Variants in RSPRY1 observed in about 807,000 individuals in gnomAD.
RSPRY1 encodes ring finger and SPRY domain containing 1.
Under a neutral mutation model 73.1 loss-of-function variants are expected in RSPRY1, and 23 were observed. That is an observed-to-expected ratio of 0.31 (90% CI 0.23 to 0.45). The LOEUF is 0.45. RSPRY1 is among the 20% of genes least tolerant of loss of function. RSPRY1 has a pLI of 1.00. For missense variants in RSPRY1, 448 were observed against 698.7 expected (o/e 0.64, Z 4.05); for synonymous variants, 226 against 251.4 (o/e 0.90, Z 0.95).
In RSPRY1 at chr16:57,204,809, G is replaced by A. The variant is rs1307368209; in HGVS notation, c.151G>A (p.Gly51Arg). ...GNSCICRDDS[G>R]TDDSVDTQQQ... ...TTCCTGTATCTGCCGAGATGACAGT[G>A]GAACAGATGACAGTGTTGACACCCA... is the stretch of plus-strand genomic sequence containing the variant. The change falls in exon 2 of 15, where the codon GGA becomes AGA. Residue 51 changes from glycine to arginine, a missense_variant. Transcript: ENST00000394420. The A allele has an allele frequency of 6.2e-7, 1 of 1,614,188 alleles. No homozygotes were observed. Among genetic ancestry groups the A allele is most frequent in the African/African-American group, 1.3e-5 (1 of 75,034 alleles).
chr16:57,193,141 T>G (rs2074379869), intron 1 of RSPRY1, among the ~76,000 whole-genome samples: 1 of 152,198 alleles, frequency 6.6e-6, no homozygotes, highest in African/African-American at 2.4e-5. Flanking sequence ...CAGTTACAGT[T>G]CAGGAGTTAA....
At position 57,220,684 on chromosome 16, in the gene RSPRY1, T is replaced by C. The variant is rs756224512; in HGVS notation, c.902-48T>C. 5 of 1,282,388 alleles carry C rather than the reference T, an allele frequency of 3.9e-6. No homozygotes were observed. The South Asian group carries it at 6.0e-5, about 15-fold the overall frequency. 79.4% of individuals were successfully genotyped at this position (1,282,388 alleles called of 1,614,324 possible). A position where few individuals can be genotyped will look rare whatever the true frequency, so the allele number is the denominator to read the frequency against. Reference sequence around the variant, plus strand: ...TGTAGCTGGCACTAGCTTCTTCTTTTCTCCACAGCAGCCTGCCTTAGAAAC... The same window carrying C: ...TGTAGCTGGCACTAGCTTCTTCTTTCCTCCACAGCAGCCTGCCTTAGAAAC... On this transcript the variant is annotated intron_variant, in intron 8 of 14. Transcript: ENST00000394420.
At chr16:57,212,653 C>T (rs1307845934) in intron 4 of RSPRY1, among the ~76,000 whole-genome samples, 1 of 152,044 alleles carries the variant, frequency 6.6e-6, no homozygotes, top group African/African-American at 2.4e-5. Flanking sequence ...CTTGCTCTGT[C>T]GTCCAGGCTG....
chr16:57,227,222 C>G, intron 10 of RSPRY1, 120 bp from the exon 11 acceptor site: 1 of 685,662 alleles, frequency 1.5e-6, no homozygotes, highest in Non-Finnish European at 2.6e-6. Flanking sequence ...CATGAGCTCT[C>G]TCATCATCCA....
At chr16:57,197,041 A>G (rs1013033113) in intron 1 of RSPRY1, among the ~76,000 whole-genome samples, 15 of 152,206 alleles carry the variant, frequency 9.9e-5, no homozygotes, top group African/African-American at 1.9e-4. Flanking sequence ...GTACTGTGCT[A>G]TGGTGGCTTC....
At chr16:57,196,995 G>A (rs2074458368) in intron 1 of RSPRY1, among the ~76,000 whole-genome samples, 2 of 152,154 alleles carry the variant, frequency 1.3e-5, no homozygotes, top group South Asian at 4.1e-4. Context: ...AAATATTGCA[G>A]GGCTGGGACT....
chr16:57,208,218 A>G, intron 3 of RSPRY1, 108 bp downstream of exon 3: 1 of 673,316 alleles, frequency 1.5e-6, no homozygotes, highest in Non-Finnish European at 2.5e-6. Context: ...AAGACTCCAA[A>G]AATACAGCAT....
At chr16:57,216,389 T>C in intron 7 of RSPRY1, 2 of 494,864 alleles carry the variant, frequency 4.0e-6, no homozygotes. Context: ...CCATGTTTAC[T>C]CACTTTTTAT....
At chr16:57,227,718 A>G (rs1281838355) in intron 11 of RSPRY1, among the ~76,000 whole-genome samples, 3 of 152,184 alleles carry the variant, frequency 2.0e-5, no homozygotes, top group East Asian at 1.9e-4. Context: ...TATGAATTCT[A>G]TTTTCCTCTT....
At chr16:57,194,219 G>C (rs1403863152) in intron 1 of RSPRY1, among the ~76,000 whole-genome samples, 1 of 152,164 alleles carries the variant, frequency 6.6e-6, no homozygotes, top group African/African-American at 2.4e-5. Context: ...AAAAAAAACT[G>C]AATGGATTAA....
At position 57,217,139 on chromosome 16, in the gene RSPRY1, C is replaced by G. The variant is rs1414458142; in HGVS notation, c.901+104C>G. On this transcript the variant is annotated intron_variant, in intron 8 of 14. Transcript: ENST00000394420. ...TTTTGCAATGGTAAGTATGAGTCCT[C>G]ATAAGGACCTCTACTGGCAGGTTGG... 2.2e-5 allele frequency: 28 copies of G among 1,262,280 alleles called. No homozygotes were observed. In the African/African-American group the frequency reaches 3.1e-4, roughly 14 times the overall value. The allele number at this position is 1,262,280 out of a possible 1,614,324, so 78.2% of individuals were successfully genotyped here. A position where few individuals can be genotyped will look rare whatever the true frequency, so the allele number is the denominator to read the frequency against.
At chr16:57,186,477 G>T (rs1422458791) in intron 1 of RSPRY1, 26 bp downstream of exon 1, 2 of 153,980 alleles carry the variant, frequency 1.3e-5, no homozygotes, top group Non-Finnish European at 2.9e-5. Flanking sequence ...CGACCGCGCT[G>T]CTCTGAGCCC....
chr16:57,234,447 G>A (rs760556491), intron 13 of RSPRY1, among the ~76,000 whole-genome samples: 1 of 152,186 alleles, frequency 6.6e-6, no homozygotes, highest in Non-Finnish European at 1.5e-5. Context: ...CCCTACTGGA[G>A]CATAAGCTCT....
intron 1 of RSPRY1, among the ~76,000 whole-genome samples, chr16:57,199,173 A>G (rs74246277): frequency 0.091 from 13,784 of 152,258 alleles, 764 homozygotes; most frequent in East Asian, 0.22. Context: ...TCATAGAGCA[A>G]TATTTATGGC....
chr16:57,201,715 G>A (rs1169689095), intron 1 of RSPRY1, among the ~76,000 whole-genome samples: 5 of 152,334 alleles, frequency 3.3e-5, no homozygotes, highest in East Asian at 1.9e-4. Flanking sequence ...CCGGCACCTC[G>A]GGAGGCCAAG....
chr16:57,238,847 A>T, intron 14 of RSPRY1, 32 bp from the exon 15 acceptor site: 1 of 1,360,472 alleles, frequency 7.4e-7, no homozygotes, highest in Non-Finnish European at 1.0e-6. Flanking sequence ...TTGAAGCATT[A>T]ACTTGACTGA....
At chr16:57,232,409 C>T (rs1407510832) in intron 13 of RSPRY1, among the ~76,000 whole-genome samples, 2 of 152,142 alleles carry the variant, frequency 1.3e-5, no homozygotes, top group Non-Finnish European at 2.9e-5. Flanking sequence ...CATATGTTCC[C>T]GCTCAGGGTT....
intron 1 of RSPRY1, among the ~76,000 whole-genome samples, chr16:57,191,589 A>G (rs1004866790): frequency 3.9e-5 from 6 of 152,140 alleles, no homozygotes; most frequent in Admixed American, 6.5e-5. Context: ...GTCAGTTTTC[A>G]TCATGATTCC....
chr16:57,231,496 T>TG (rs1186828796), intron 13 of RSPRY1, among the ~76,000 whole-genome samples, 177 bp downstream of exon 13: 1 of 152,202 alleles, frequency 6.6e-6, no homozygotes, highest in Non-Finnish European at 1.5e-5. Context: ...CACAAACCAA[T>TG]TATTGTATAT....
Sources: allele counts gnomAD v4.1 joint callset (sites outside exome capture counted in the v4.1 genomes callset), GRCh38; gene constraint gnomAD v4.1.1; transcripts MANE v1.5; gene names NCBI Gene and HGNC (gene_info 2026-07-23, HGNC 2026-07-21).